LIX1: variants seen among roughly 807,000 people sequenced by gnomAD.
LIX1 encodes limb and CNS expressed 1.
A neutral mutation model predicts 33.4 loss-of-function variants in LIX1; 24 were observed. The ratio of observed to expected loss-of-function variants is 0.72; its 90% confidence interval spans 0.52 to 1.01. LIX1 has a LOEUF of 1.01. Among genes scored for constraint, LIX1 ranks in the 50% least tolerant of loss-of-function variants. LIX1 has a pLI of 0.00. For missense variants in LIX1, 311 were observed against 339.2 expected, an observed-to-expected ratio of 0.92 and a Z score of 0.65; for synonymous variants, 124 against 124.0, an observed-to-expected ratio of 1.00 and a Z score of 0.00.
At chr5:97,110,036 T>C (rs1189505191) in intron 2 of LIX1, among the ~76,000 whole-genome samples, 1 of 152,260 alleles carries the variant, frequency 6.6e-6, no homozygotes, top group Non-Finnish European at 1.5e-5. Flanking sequence ...ATTGTGCTGC[T>C]ATAAACATGA....
chr5:97,121,123 C>A (rs1270020676), intron 2 of LIX1, among the ~76,000 whole-genome samples: 1 of 151,962 alleles, frequency 6.6e-6, no homozygotes, highest in Non-Finnish European at 1.5e-5. Flanking sequence ...GAGCTAATGC[C>A]CCCTGAAGTT....
intron 1 of LIX1, among the ~76,000 whole-genome samples, chr5:97,129,312 T>A (rs1748002810): frequency 1.3e-5 from 2 of 152,130 alleles, no homozygotes; most frequent in African/African-American, 4.8e-5. Context: ...AGAAACATCA[T>A]GGATATCACT....
intron 4 of LIX1, chr5:97,103,188 A>G (rs886959816): frequency 5.3e-6 from 2 of 380,622 alleles, no homozygotes; most frequent in Admixed American, 3.7e-5. Context: ...GATTGTTATG[A>G]AAAAAAAAGG....
Position 97,093,128 on chromosome 5 carries a change from C to T in LIX1, c.*1620G>A, listed in dbSNP as rs992046084. Reference sequence around the variant, plus strand: ...TTCCCCTGGTGTGAGATATGTGATACATGATAATCTTTTATTATCAAGTCT... The same window carrying T: ...TTCCCCTGGTGTGAGATATGTGATATATGATAATCTTTTATTATCAAGTCT... On this transcript the variant is annotated 3_prime_UTR_variant, in exon 6 of 6. Transcript: ENST00000274382. 3.9e-5 allele frequency: 6 copies of T among 152,242 alleles called. No individual in the cohort carries two copies. Among genetic ancestry groups the T allele is most frequent in the Admixed American group, 3.3e-4 (5 of 15,268 alleles). 9.4% of individuals were successfully genotyped at this position (152,242 alleles called of 1,614,324 possible). A position where few individuals can be genotyped will look rare whatever the true frequency, so the allele number is the denominator to read the frequency against.
At chr5:97,137,959 G>A (rs1748206419) in intron 1 of LIX1, among the ~76,000 whole-genome samples, 2 of 152,138 alleles carry the variant, frequency 1.3e-5, no homozygotes, top group Non-Finnish European at 2.9e-5. Flanking sequence ...CTAGATTCAT[G>A]ATTACTAAGA....
At chr5:97,114,099 T>C (rs1747556302) in intron 2 of LIX1, among the ~76,000 whole-genome samples, 1 of 152,200 alleles carries the variant, frequency 6.6e-6, no homozygotes, top group African/African-American at 2.4e-5. Context: ...CCTTAAGTAC[T>C]CTCTTGATGA....
At chr5:97,096,001 T>G (rs762016367) in intron 5 of LIX1, among the ~76,000 whole-genome samples, 13 of 152,154 alleles carry the variant, frequency 8.5e-5, no homozygotes, top group Non-Finnish European at 1.6e-4. Context: ...AAAGAACAAC[T>G]AAAAACTAGG....
At chr5:97,121,772 G>A (rs1486308187) in intron 2 of LIX1, among the ~76,000 whole-genome samples, 1 of 152,084 alleles carries the variant, frequency 6.6e-6, no homozygotes, top group African/African-American at 2.4e-5. Flanking sequence ...TAAATGTTTG[G>A]TGATCTTAAG....
intron 1 of LIX1, among the ~76,000 whole-genome samples, chr5:97,131,449 T>C (rs1748054908): frequency 6.6e-6 from 1 of 152,212 alleles, no homozygotes; most frequent in African/African-American, 2.4e-5. Flanking sequence ...TAGCACTTAA[T>C]CTCCTATAAA....
At chr5:97,104,010 G>A (rs1002401092) in intron 4 of LIX1, among the ~76,000 whole-genome samples, 1 of 151,690 alleles carries the variant, frequency 6.6e-6, no homozygotes, top group Non-Finnish European at 1.5e-5. Context: ...ATTTAGGATG[G>A]GTGAAGAAAG....
intron 2 of LIX1, among the ~76,000 whole-genome samples, chr5:97,123,172 AC>A (rs1478315134): frequency 6.6e-6 from 1 of 152,084 alleles, no homozygotes; most frequent in Non-Finnish European, 1.5e-5. Context: ...ATCTTCTCAC[AC>A]CACACATCCT....
intron 1 of LIX1, among the ~76,000 whole-genome samples, chr5:97,131,686 C>G (rs1748060107): frequency 6.6e-6 from 1 of 152,242 alleles, no homozygotes; most frequent in Non-Finnish European, 1.5e-5. Flanking sequence ...GGATACTCAC[C>G]TAGAAGCAGT....
intron 4 of LIX1, among the ~76,000 whole-genome samples, chr5:97,101,078 AAGGTGAGGCAGGTGAGGC>A (rs60353690): frequency 6.6e-6 from 1 of 151,874 alleles, no homozygotes; most frequent in East Asian, 1.9e-4. Flanking sequence ...TTAGCCTCAT[AAGGTGAGGCAGGTGAGGC>A]AGGTGAGGCA....
At chr5:97,114,115 G>A (rs963145056) in intron 2 of LIX1, among the ~76,000 whole-genome samples, 2 of 152,244 alleles carry the variant, frequency 1.3e-5, no homozygotes, top group Middle Eastern at 3.4e-3. Context: ...GATGAAGTAC[G>A]GGGCCAAGAG....
At chr5:97,142,195 C>A (rs186434085) in intron 1 of LIX1, among the ~76,000 whole-genome samples, 51 of 152,318 alleles carry the variant, frequency 3.3e-4, no homozygotes, top group African/African-American at 1.2e-3. Context: ...CACCAGTCAG[C>A]TTTGCTTTAC....
chr5:97,106,688 C>T (rs1339742304), intron 3 of LIX1, among the ~76,000 whole-genome samples: 1 of 152,012 alleles, frequency 6.6e-6, no homozygotes, highest in Admixed American at 6.6e-5. Flanking sequence ...ATTCATGGGA[C>T]AAATATCCTG....
At chr5:97,112,750 A>G (rs1384621274) in intron 2 of LIX1, among the ~76,000 whole-genome samples, 4 of 151,704 alleles carry the variant, frequency 2.6e-5, no homozygotes, top group African/African-American at 9.7e-5. Flanking sequence ...TAGATTATAA[A>G]CCACTATAAT....
intron 4 of LIX1, among the ~76,000 whole-genome samples, chr5:97,103,417 C>T (rs533391292): frequency 5.9e-5 from 9 of 152,170 alleles, no homozygotes; most frequent in Non-Finnish European, 1.3e-4. Context: ...CTACGCATAT[C>T]ATCCCATTTA....
At chr5:97,103,101 A>G (rs931114486) in intron 4 of LIX1, 7 of 453,396 alleles carry the variant, frequency 1.5e-5, no homozygotes, top group Non-Finnish European at 3.1e-5. Context: ...ATAGGTCTGT[A>G]TGACTTTTTA....
Sources: allele counts gnomAD v4.1 joint callset (sites outside exome capture counted in the v4.1 genomes callset), GRCh38; gene constraint gnomAD v4.1.1; transcripts MANE v1.5; gene names NCBI Gene and HGNC (gene_info 2026-07-23, HGNC 2026-07-21).